Variants in FMNL3 observed in about 807,000 individuals in gnomAD.
The protein encoded by FMNL3 is formin-like protein 3.
FMNL3 carries 57 observed loss-of-function variants against 119.6 expected under a neutral mutation model. That is an observed-to-expected ratio of 0.48 (90% CI 0.39 to 0.59). The LOEUF is 0.59. Ranked by LOEUF, FMNL3 falls within the 20% of genes least tolerant of loss-of-function variation. The pLI is 0.00. For synonymous variants in FMNL3, 491 were observed against 507.3 expected (o/e 0.97, Z 0.43); for missense variants, 1,053 against 1,323.5 (o/e 0.80, Z 3.17).
At chr12:49,669,938 G>A (rs1339211347) in intron 1 of FMNL3, among the ~76,000 whole-genome samples, 2 of 152,224 alleles carry the variant, frequency 1.3e-5, no homozygotes, top group Non-Finnish European at 1.5e-5. Context: ...CTGCTCCCTC[G>A]TAATCTTGAA....
At chr12:49,699,123 G>T (rs562514975) in intron 1 of FMNL3, among the ~76,000 whole-genome samples, 1 of 152,148 alleles carries the variant, frequency 6.6e-6, no homozygotes, top group African/African-American at 2.4e-5. Context: ...CCCCAGAATG[G>T]AAGAGACTGG....
intron 14 of FMNL3, 89 bp downstream of exon 14, chr12:49,651,844 G>C (rs1256472515): frequency 5.5e-6 from 8 of 1,451,750 alleles, no homozygotes; most frequent in Non-Finnish European, 7.3e-6. Context: ...CATTTTCCCA[G>C]CTTCTCCCTG....
intron 1 of FMNL3, among the ~76,000 whole-genome samples, chr12:49,682,281 A>G (rs1689311616): frequency 6.6e-6 from 1 of 151,882 alleles, no homozygotes; most frequent in East Asian, 1.9e-4. Flanking sequence ...TGTGTTAGCC[A>G]GAATGGTCTT....
At chr12:49,684,566 C>T (rs1262383539) in intron 1 of FMNL3, among the ~76,000 whole-genome samples, 1 of 152,242 alleles carries the variant, frequency 6.6e-6, no homozygotes, top group Non-Finnish European at 1.5e-5. Flanking sequence ...AAACTTTTAA[C>T]AAGGACATTC....
intron 1 of FMNL3, among the ~76,000 whole-genome samples, chr12:49,675,895 C>G (rs1199762221): frequency 6.6e-6 from 1 of 152,192 alleles, no homozygotes; most frequent in African/African-American, 2.4e-5. Context: ...CTGGCCCCAG[C>G]TTCTCTGACC....
chr12:49,646,816 C>T, intron 25 of FMNL3, 70 bp downstream of exon 25: 1 of 1,604,484 alleles, frequency 6.2e-7, no homozygotes, highest in Admixed American at 1.7e-5. Context: ...GAGGAGAGCC[C>T]AAAGGGGTTA....
chr12:49,657,282 C>A, intron 6 of FMNL3, 92 bp from the exon 7 acceptor site: 1 of 996,604 alleles, frequency 1.0e-6, no homozygotes, highest in South Asian at 1.4e-5. Context: ...CAGGCTGCCC[C>A]TTAGCAGTGG....
chr12:49,690,747 G>A (rs1008716561), intron 1 of FMNL3, among the ~76,000 whole-genome samples: 1 of 152,200 alleles, frequency 6.6e-6, no homozygotes. Flanking sequence ...GCAGTAGTAA[G>A]AGCAAAGGAG....
Position 49,643,882 on chromosome 12 carries a change from G to A in FMNL3, c.*1933C>T, listed in dbSNP as rs760248619. Reference sequence around the variant, plus strand: ...ACAGAATAGTCCTGAGAGTGAGACAGACCCTGAGGAGAAAGCTGGCAAGGA... The same window carrying A: ...ACAGAATAGTCCTGAGAGTGAGACAAACCCTGAGGAGAAAGCTGGCAAGGA... On this transcript the variant is annotated 3_prime_UTR_variant, in exon 26 of 26. Coordinates refer to ENST00000335154, the MANE Select transcript of FMNL3 (RefSeq NM_175736.5). 2 of 1,614,204 alleles carry A rather than the reference G, an allele frequency of 1.2e-6. No individual in the cohort carries two copies.
chr12:49,642,411 T>C lies in FMNL3; in HGVS notation c.*3404A>G. ...CCTGGCCCCAAGCACCCCTCAAGCC[T>C]GAGGGCAGCGGTGCTTCACCACTGA... is the stretch of plus-strand genomic sequence containing the variant. On this transcript the variant is annotated 3_prime_UTR_variant, in exon 26 of 26. Transcript: ENST00000335154. This position sits in a 1 kb window ranked among gnomAD's most constrained non-coding sequence, Gnocchi z 5.8. 1 of 1,608,320 alleles carries C rather than the reference T, an allele frequency of 6.2e-7. No individual in the cohort carries two copies. Among genetic ancestry groups the C allele is most frequent in the Non-Finnish European group, 8.5e-7 (1 of 1,176,070 alleles).
intron 1 of FMNL3, among the ~76,000 whole-genome samples, chr12:49,691,395 A>G (rs767882345): frequency 1.3e-5 from 2 of 152,186 alleles, no homozygotes; most frequent in Non-Finnish European, 2.9e-5. Context: ...GATGCAGCAC[A>G]GCCTAGAGCT....
intron 10 of FMNL3, among the ~76,000 whole-genome samples, 191 bp downstream of exon 10, chr12:49,654,719 A>G (rs901431264): frequency 2.0e-5 from 3 of 152,186 alleles, no homozygotes; most frequent in Non-Finnish European, 4.4e-5. Context: ...TAGATCTGAT[A>G]TACACAAATG....
rs763415264 is a variant in FMNL3 at position 49,653,303 on chromosome 12, C to G, written c.1246G>C (p.Glu416Gln). The G allele has an allele frequency of 3.1e-6, 5 of 1,614,160 alleles. No individual in the cohort carries two copies. The highest frequency in any genetic ancestry group is 4.5e-5 in the East Asian group (2 of 44,890). ...GCCACCCGCATCATGTTTTCATTCT[C>G]TAGGTCCAGAAGCTTCTCTGTGAGC... Reference protein sequence around the residue: ...SHLTEKLLDLENENMMRVAEL... With the variant: ...SHLTEKLLDLQNENMMRVAEL... Residue 416 changes from glutamate to glutamine, a missense_variant, in exon 13 of 26, where the codon GAG (glutamate) becomes CAG (glutamine). Physicochemically the swap from Glu to Gln is conservative, Grantham distance 29. Transcript: ENST00000335154.
At position 49,653,082 on chromosome 12, in the gene FMNL3, C is replaced by T. The variant is rs1565870046; in HGVS notation, c.1323+144G>A. On this transcript the variant is annotated intron_variant, in intron 13 of 25. Transcript: ENST00000335154. Reference sequence around the variant, plus strand: ...AACTAAAAAAATGGGGTGAAATCATCAGCCCACCCACACCTGAGTACCTCA... The same window carrying T: ...AACTAAAAAAATGGGGTGAAATCATTAGCCCACCCACACCTGAGTACCTCA... 6.9e-6 allele frequency: 5 copies of T among 726,844 alleles called. No individual in the cohort carries two copies. In the South Asian group the frequency reaches 8.7e-5, roughly 13 times the overall value. 45.0% of individuals were successfully genotyped at this position (726,844 alleles called of 1,614,324 possible). A position where few individuals can be genotyped will look rare whatever the true frequency, so the allele number is the denominator to read the frequency against.
Position 49,644,004 on chromosome 12 carries a change from G to C in FMNL3, c.*1811C>G. ...CAGGCTTTGGAATCAAGAAGGAGAA[G>C]GTGAGGGGCAGGGGCCCTAGGCCAG... On this transcript the variant is annotated 3_prime_UTR_variant, in exon 26 of 26. Coordinates refer to ENST00000335154, the MANE Select transcript of FMNL3 (RefSeq NM_175736.5). 6.2e-7 allele frequency: 1 copy of C among 1,614,170 alleles called. No individual in the cohort carries two copies. Among genetic ancestry groups the C allele is most frequent in the Non-Finnish European group, 8.5e-7 (1 of 1,180,038 alleles).
chr12:49,659,181 C>T (rs567009067), intron 5 of FMNL3, among the ~76,000 whole-genome samples: 1 of 152,324 alleles, frequency 6.6e-6, no homozygotes, highest in African/African-American at 2.4e-5. Context: ...AGGAGCACCA[C>T]TGCCCCATCT....
chr12:49,658,627 C>G (rs1439733925), intron 5 of FMNL3, 33 bp from the exon 6 acceptor site: 2 of 1,556,636 alleles, frequency 1.3e-6, no homozygotes, highest in South Asian at 1.2e-5. Flanking sequence ...TGCGCATACA[C>G]AGGCACATAC....
rs761770547 is a variant in FMNL3, at chr12:49,644,577, C to A, written c.*1238G>T. On this transcript the variant is annotated 3_prime_UTR_variant, in exon 26 of 26. Coordinates refer to ENST00000335154, the MANE Select transcript of FMNL3 (RefSeq NM_175736.5). Reference sequence around the variant, plus strand: ...AGTGCCTGCTCCTGCCTGCCCTGGCCCTGAGGCTCCACCACTTCTTCCTCC... The same window carrying A: ...AGTGCCTGCTCCTGCCTGCCCTGGCACTGAGGCTCCACCACTTCTTCCTCC... The A allele has an allele frequency of 3.7e-5, 9 of 242,996 alleles. No homozygotes were observed. In the East Asian group the frequency reaches 6.7e-4, roughly 18 times the overall value. 15.1% of individuals were successfully genotyped at this position (242,996 alleles called of 1,614,324 possible). A position where few individuals can be genotyped will look rare whatever the true frequency, so the allele number is the denominator to read the frequency against.
At chr12:49,685,070 C>T (rs1414904589) in intron 1 of FMNL3, among the ~76,000 whole-genome samples, 7 of 152,112 alleles carry the variant, frequency 4.6e-5, no homozygotes, top group East Asian at 1.9e-4. Flanking sequence ...CTCAAGTCTA[C>T]GAAATGAGCC....
Sources: allele counts gnomAD v4.1 joint callset (sites outside exome capture counted in the v4.1 genomes callset), GRCh38; gene constraint gnomAD v4.1.1; non-coding constraint Gnocchi (gnomAD v3.1); transcripts MANE v1.5; gene names NCBI Gene and HGNC (gene_info 2026-07-23, HGNC 2026-07-21).